The following HS3ST3A1 variants were observed in gnomAD, a reference collection of about 807,000 sequenced individuals.
The protein encoded by HS3ST3A1 is heparan sulfate glucosamine 3-O-sulfotransferase 3A1.
A neutral mutation model predicts 25.7 loss-of-function variants in HS3ST3A1; 19 were observed. The ratio of observed to expected loss-of-function variants is 0.74; its 90% CI spans 0.52 to 1.08. HS3ST3A1 has a LOEUF of 1.08. HS3ST3A1 is among the 50% of genes least tolerant of loss of function. HS3ST3A1 has a pLI of 0.00. For missense variants in HS3ST3A1, 459 were observed against 594.3 expected (o/e 0.77, Z 2.37); for synonymous variants, 226 against 278.6 (o/e 0.81, Z 1.88).
At position 13,505,821 on chromosome 17, in the gene HS3ST3A1, C is replaced by T. The variant is rs189075869; in HGVS notation, c.600-9003G>A. Reference sequence around the variant, plus strand: ...TGGGCAGATCACCAGGTCAGGAGTTCGAGACCAGCCTGACCAACATGGTGA... The same window carrying T: ...TGGGCAGATCACCAGGTCAGGAGTTTGAGACCAGCCTGACCAACATGGTGA... On this transcript the variant is annotated intron_variant, in intron 1 of 1. Coordinates refer to ENST00000284110, the MANE Select transcript of HS3ST3A1 (RefSeq NM_006042.3). Among the ~76,000 whole-genome samples, 965 of 151,838 alleles carry T rather than the reference C, an allele frequency of 6.4e-3. 23 individuals carry two copies. The highest frequency in any genetic ancestry group is 0.057 in the Admixed American group (870 of 15,246).
intron 1 of HS3ST3A1, among the ~76,000 whole-genome samples, chr17:13,507,087 CA>C (rs1905708585): frequency 7.7e-6 from 1 of 129,720 alleles, no homozygotes; most frequent in South Asian, 2.4e-4. Flanking sequence ...AAAAAAAAAA[CA>C]AAAAAAGATG....
intron 1 of HS3ST3A1, among the ~76,000 whole-genome samples, chr17:13,527,061 C>T (rs1349161471): frequency 6.6e-6 from 1 of 152,122 alleles, no homozygotes; most frequent in Non-Finnish European, 1.5e-5. Context: ...ATGGATTGTT[C>T]CAGCCCCAAA....
Position 13,551,616 on chromosome 17 carries a change from A to G in HS3ST3A1, c.599+48915T>C, listed in dbSNP as rs1290780735. Among the ~76,000 whole-genome samples, 10 of 38,796 alleles carry G rather than the reference A, an allele frequency of 2.6e-4. No homozygotes were observed. In the South Asian group the frequency reaches 9.8e-3, roughly 38 times the overall value. 25.5% of individuals were successfully genotyped at this position (38,796 alleles called of 152,430 possible). A position where few individuals can be genotyped will look rare whatever the true frequency, so the allele number is the denominator to read the frequency against. Reference sequence around the variant, plus strand: ...CTGCTTAAATAAATTTCATTCCAAGAAAAAAAAAAGGGGGGGGGGTATTTT... The same window carrying G: ...CTGCTTAAATAAATTTCATTCCAAGGAAAAAAAAAGGGGGGGGGGTATTTT... On this transcript the variant is annotated intron_variant, in intron 1 of 1. Transcript: ENST00000284110.
At chr17:13,510,653 A>T (rs1389439135) in intron 1 of HS3ST3A1, among the ~76,000 whole-genome samples, 4 of 152,024 alleles carry the variant, frequency 2.6e-5, no homozygotes, top group Admixed American at 6.6e-5. Context: ...AACTGCTAGG[A>T]TATTCTTTCT....
intron 1 of HS3ST3A1, among the ~76,000 whole-genome samples, chr17:13,517,787 G>T (rs529380687): frequency 9.2e-5 from 14 of 152,144 alleles, no homozygotes; most frequent in African/African-American, 2.7e-4. Flanking sequence ...AAGTAGCTGG[G>T]ATTACAGGCG....
rs1263363078 is a variant in HS3ST3A1, at chr17:13,601,001, G to A, written c.129C>T (p.Ala43=). The A allele has an allele frequency of 6.3e-6, 10 of 1,579,460 alleles. No individual in the cohort carries two copies. Among genetic ancestry groups the A allele is most frequent in the Non-Finnish European group, 8.6e-6 (10 of 1,162,988 alleles). ...LTSLYVFYCL[A]ERCQTLSGPV... is the part of the protein sequence containing the mutation. The stretch of plus-strand genomic sequence containing the variant: ...GGCCGGACAGGGTCTGGCAGCGCTC[G>A]GCCAGGCAGTAGAAGACGTAAAGGG... The change falls in exon 1 of 2, where the codon GCC becomes GCT. Residue 43 remains alanine (A), a synonymous_variant. Transcript: ENST00000284110.
intron 1 of HS3ST3A1, among the ~76,000 whole-genome samples, chr17:13,525,313 C>T (rs903881774): frequency 6.6e-6 from 1 of 151,780 alleles, no homozygotes; most frequent in African/African-American, 2.4e-5. Context: ...AATTATTGTC[C>T]TAATTTTTTT....
intron 1 of HS3ST3A1, among the ~76,000 whole-genome samples, chr17:13,548,836 T>C (rs977519760): frequency 2.0e-5 from 3 of 152,070 alleles, no homozygotes; most frequent in Non-Finnish European, 4.4e-5. Context: ...CAGCGCTCTG[T>C]GTCTACCTAA....
chr17:13,583,713 C>A (rs530265575), intron 1 of HS3ST3A1, among the ~76,000 whole-genome samples: 186 of 152,312 alleles, frequency 1.2e-3, no homozygotes, highest in African/African-American at 4.3e-3. Flanking sequence ...TTGAACTTTA[C>A]ATAGTCACTC....
intron 1 of HS3ST3A1, among the ~76,000 whole-genome samples, chr17:13,532,926 CAT>C (rs1225689750): frequency 1.2e-4 from 17 of 145,108 alleles, no homozygotes; most frequent in Admixed American, 8.3e-4. Flanking sequence ...CACACACACA[CAT>C]GCTTTGACTT....
chr17:13,546,719 C>T (rs1318035234), intron 1 of HS3ST3A1, among the ~76,000 whole-genome samples: 2 of 152,198 alleles, frequency 1.3e-5, no homozygotes, highest in African/African-American at 4.8e-5. Context: ...ACCTGAAAAT[C>T]GCTGAAGTTG....
At chr17:13,597,895 TGCA>T (rs915690197) in intron 1 of HS3ST3A1, among the ~76,000 whole-genome samples, 2 of 152,226 alleles carry the variant, frequency 1.3e-5, no homozygotes, top group South Asian at 2.1e-4. Flanking sequence ...ACTTGCTAAT[TGCA>T]GCAGATTTGT....
In HS3ST3A1 at chr17:13,583,126, C is replaced by T. The variant is rs144064440; in HGVS notation, c.599+17405G>A. On this transcript the variant is annotated intron_variant, in intron 1 of 1. Transcript: ENST00000284110. ...AGACGTAGAGAAGATACAAACATTT[C>T]GGCATCTGTGAATTTTAGGACTCAC... Among the ~76,000 whole-genome samples the T allele has an allele frequency of 1.5e-4, 23 of 152,294 alleles. No individual in the cohort carries two copies. In the East Asian group the frequency reaches 2.1e-3, roughly 14 times the overall value.
intron 1 of HS3ST3A1, among the ~76,000 whole-genome samples, chr17:13,533,672 G>A (rs1906682845): frequency 6.6e-6 from 1 of 152,146 alleles, no homozygotes; most frequent in South Asian, 2.1e-4. Flanking sequence ...TAAAGCTTTA[G>A]ATAGGGTCTA....
chr17:13,587,782 A>G (rs1357858107), intron 1 of HS3ST3A1, among the ~76,000 whole-genome samples: 2 of 152,172 alleles, frequency 1.3e-5, no homozygotes, highest in Non-Finnish European at 2.9e-5. Flanking sequence ...CTATTTCAAA[A>G]CAGAATATTT....
intron 1 of HS3ST3A1, among the ~76,000 whole-genome samples, chr17:13,501,179 A>G (rs1156726945): frequency 6.6e-6 from 1 of 152,130 alleles, no homozygotes; most frequent in Admixed American, 6.5e-5. Flanking sequence ...AGTTGTGGGG[A>G]TCGATCACGT....
chr17:13,539,444 G>A (rs576771635), intron 1 of HS3ST3A1, among the ~76,000 whole-genome samples: 1 of 152,216 alleles, frequency 6.6e-6, no homozygotes, highest in South Asian at 2.1e-4. Flanking sequence ...GGTACTAATG[G>A]TCAGCTCAGG....
At chr17:13,502,729 C>T (rs1490175592) in intron 1 of HS3ST3A1, among the ~76,000 whole-genome samples, 1 of 152,134 alleles carries the variant, frequency 6.6e-6, no homozygotes, top group African/African-American at 2.4e-5. Context: ...TTGGCATTTG[C>T]CTCTGGCTAT....
intron 1 of HS3ST3A1, among the ~76,000 whole-genome samples, chr17:13,593,541 G>C (rs1208807619): frequency 2.0e-5 from 3 of 152,186 alleles, no homozygotes; most frequent in Non-Finnish European, 4.4e-5. Context: ...GGAAGCAACA[G>C]GTGCGGGGCA....
Sources: gnomAD v4.1 joint callset for allele counts (sites outside exome capture counted in the v4.1 genomes callset) on GRCh38, gnomAD v4.1.1 for gene constraint, MANE v1.5 for transcripts, NCBI Gene and HGNC (gene_info 2026-07-23, HGNC 2026-07-21) for gene names.